Variants in CNTN5 observed in about 807,000 individuals in gnomAD.
CNTN5 encodes the protein contactin-5.
In CNTN5, 77 loss-of-function variants were observed where a neutral mutation model predicts 129.1. The observed-to-expected ratio is 0.60, with a 90% CI of 0.50 to 0.72. The LOEUF is 0.72. Ranked by LOEUF, CNTN5 falls within the 30% of genes least tolerant of loss-of-function variation. The pLI is 0.00. For synonymous variants in CNTN5, 509 were observed against 465.6 expected, an observed-to-expected ratio of 1.09 and a Z score of -1.20; for missense variants, 1,478 against 1,328.8, an observed-to-expected ratio of 1.11 and a Z score of -1.75.
chr11:99,278,575 T>G (rs538981244), intron 1 of CNTN5, among the ~76,000 whole-genome samples: 2 of 151,842 alleles, frequency 1.3e-5, no homozygotes, highest in South Asian at 4.1e-4. Flanking sequence ...GGAGCTAAAA[T>G]ATTGAATGCC....
At chr11:99,220,844 A>G (rs2135701632) in intron 1 of CNTN5, among the ~76,000 whole-genome samples, 1 of 152,050 alleles carries the variant, frequency 6.6e-6, no homozygotes, top group South Asian at 2.1e-4. Flanking sequence ...AGCCACTCAA[A>G]TAATTCTAAA....
intron 3 of CNTN5, among the ~76,000 whole-genome samples, chr11:99,652,854 A>G (rs1022160800): frequency 6.6e-6 from 1 of 152,016 alleles, no homozygotes; most frequent in Non-Finnish European, 1.5e-5. Flanking sequence ...AGTCTAAACA[A>G]TCTCTAACCC....
chr11:99,366,456 C>T (rs1040690044), intron 2 of CNTN5, among the ~76,000 whole-genome samples: 1 of 152,148 alleles, frequency 6.6e-6, no homozygotes, highest in African/African-American at 2.4e-5. Flanking sequence ...ATGCCATAGG[C>T]ATTTCAGAAA....
chr11:99,233,686 G>A (rs760937602), intron 1 of CNTN5, among the ~76,000 whole-genome samples: 1 of 152,124 alleles, frequency 6.6e-6, no homozygotes, highest in Non-Finnish European at 1.5e-5. Flanking sequence ...GGTGGCTCAC[G>A]CCTGTAATCC....
chr11:99,702,267 G>A (rs1268979232), intron 3 of CNTN5, among the ~76,000 whole-genome samples: 1 of 150,836 alleles, frequency 6.6e-6, no homozygotes, highest in Admixed American at 6.6e-5. Flanking sequence ...TTTCATATGG[G>A]TAGCAAGGGG....
At chr11:100,081,568 T>C (rs1944365020) in intron 13 of CNTN5, among the ~76,000 whole-genome samples, 1 of 152,240 alleles carries the variant, frequency 6.6e-6, no homozygotes, top group Admixed American at 6.5e-5. Context: ...ACATTATGAA[T>C]CCAGCAATGG....
At chr11:100,151,217 G>T (rs1190294018) in intron 13 of CNTN5, among the ~76,000 whole-genome samples, 4 of 152,096 alleles carry the variant, frequency 2.6e-5, no homozygotes, top group Non-Finnish European at 5.9e-5. Context: ...ATAAGTAAAT[G>T]CACATTATAC....
chr11:100,330,760 C>T (rs1173642033), intron 21 of CNTN5, among the ~76,000 whole-genome samples: 1 of 152,090 alleles, frequency 6.6e-6, no homozygotes, highest in Non-Finnish European at 1.5e-5. Flanking sequence ...ACAGTCTCTT[C>T]CAGACAAACA....
intron 2 of CNTN5, among the ~76,000 whole-genome samples, chr11:99,484,078 G>A (rs993908615): frequency 7.9e-5 from 12 of 151,616 alleles, no homozygotes; most frequent in African/African-American, 1.2e-4. Flanking sequence ...ACTAAAAAAC[G>A]TCTACACAAC....
At chr11:99,639,689 C>T (rs892047929) in intron 3 of CNTN5, among the ~76,000 whole-genome samples, 2 of 151,170 alleles carry the variant, frequency 1.3e-5, no homozygotes, top group Non-Finnish European at 2.9e-5. Flanking sequence ...CTCAGCCTCC[C>T]AAGTAGCTGA....
intron 1 of CNTN5, among the ~76,000 whole-genome samples, chr11:99,043,418 A>G (rs1157501593): frequency 6.6e-6 from 1 of 151,876 alleles, no homozygotes; most frequent in African/African-American, 2.4e-5. Context: ...CATGTACCCT[A>G]AAACTTAAAG....
intron 1 of CNTN5, among the ~76,000 whole-genome samples, chr11:99,130,736 A>G (rs1858892675): frequency 6.6e-6 from 1 of 152,154 alleles, no homozygotes. Flanking sequence ...CCAAATGCAA[A>G]ACAACTGAAA....
At chr11:100,181,063 A>G (rs536472246) in intron 13 of CNTN5, among the ~76,000 whole-genome samples, 5 of 152,138 alleles carry the variant, frequency 3.3e-5, no homozygotes, top group African/African-American at 1.2e-4. Context: ...CATTTATCCC[A>G]GAGAAATTAA....
At chr11:99,615,129 G>A (rs117846832) in intron 3 of CNTN5, among the ~76,000 whole-genome samples, 5,763 of 149,748 alleles carry the variant, frequency 0.038, 146 homozygotes, top group South Asian at 0.087. Flanking sequence ...GTATCTTGCC[G>A]AGGAAGAGTG....
intron 3 of CNTN5, among the ~76,000 whole-genome samples, chr11:99,790,388 C>T (rs1220036381): frequency 6.6e-6 from 1 of 151,856 alleles, no homozygotes; most frequent in African/African-American, 2.4e-5. Context: ...CAGATGTACT[C>T]AATGTTTAGC....
chr11:100,336,164 C>A (rs1429143308), intron 21 of CNTN5, among the ~76,000 whole-genome samples: 2 of 152,094 alleles, frequency 1.3e-5, no homozygotes, highest in African/African-American at 4.8e-5. Flanking sequence ...CACATATAGA[C>A]CTTCTGGCTT....
chr11:99,179,396 C>T (rs147577880), intron 1 of CNTN5, among the ~76,000 whole-genome samples: 2,250 of 152,052 alleles, frequency 0.015, 18 homozygotes, highest in South Asian at 0.024. Context: ...GAGCCAAGAT[C>T]GTGCCACTGC....
At chr11:99,222,257 G>A (rs940640135) in intron 1 of CNTN5, among the ~76,000 whole-genome samples, 2 of 151,444 alleles carry the variant, frequency 1.3e-5, no homozygotes, top group African/African-American at 4.8e-5. Flanking sequence ...CATGAAAATT[G>A]TGCAATAAAA....
At chr11:99,143,813 G>A (rs1368800258) in intron 1 of CNTN5, among the ~76,000 whole-genome samples, 1 of 151,860 alleles carries the variant, frequency 6.6e-6, no homozygotes, top group Non-Finnish European at 1.5e-5. Context: ...CATTTTTTTT[G>A]TATTGATAGT....
Sources: gnomAD v4.1 joint callset for allele counts (sites outside exome capture counted in the v4.1 genomes callset) on GRCh38, gnomAD v4.1.1 for gene constraint, MANE v1.5 for transcripts, NCBI Gene and HGNC (gene_info 2026-07-23, HGNC 2026-07-21) for gene names.